Variants in MAD1L1 observed in about 807,000 individuals in gnomAD.
MAD1L1 encodes mitotic spindle assembly checkpoint protein MAD1.
A neutral mutation model predicts 96.9 loss-of-function variants in MAD1L1; 95 were observed. The ratio of observed to expected loss-of-function variants is 0.98; its 90% CI spans 0.83 to 1.16. The LOEUF (loss-of-function observed/expected upper bound fraction) is 1.16. MAD1L1 is among the 50% of genes most tolerant of loss of function. MAD1L1 has a pLI of 0.00. For missense variants in MAD1L1, 1,007 were observed against 954.4 expected (o/e 1.06, Z -0.73); for synonymous variants, 473 against 396.6 (o/e 1.19, Z -2.29).
rs763539730 is a variant in MAD1L1, at chr7:2,056,602, C to T, written c.1218+12592G>A. On this transcript the variant is annotated intron_variant, in intron 12 of 18. Transcript: ENST00000265854. ...GCGACCCAGGAGATACCCACGTGAG[C>T]GAGGGCGGTGCTCACCTCGAACCAA... 1.6e-4 allele frequency among the ~76,000 whole-genome samples: 25 copies of T among 152,188 alleles called. 1 individual carries two copies. Among genetic ancestry groups the T allele is most frequent in the African/African-American group, 3.9e-4 (16 of 41,444 alleles).
chr7:1,971,598 C>G (rs1262998312), intron 15 of MAD1L1, among the ~76,000 whole-genome samples: 1 of 152,108 alleles, frequency 6.6e-6, no homozygotes, highest in African/African-American at 2.4e-5. Flanking sequence ...AAGACGGTAG[C>G]TTGAACACGT....
rs1584425864 is a variant in MAD1L1 at position 2,146,705 on chromosome 7, C to G, written c.1073+2447G>C. Among the ~76,000 whole-genome samples the G allele has an allele frequency of 6.6e-6, 1 of 152,322 alleles. No homozygotes were observed. The highest frequency in any genetic ancestry group is 1.9e-4 in the East Asian group (1 of 5,182). On this transcript the variant is annotated intron_variant, in intron 11 of 18. Transcript: ENST00000265854. This position sits in a 1 kb window ranked among gnomAD's most constrained non-coding sequence, Gnocchi z 6.2. ...TTAAAATGAGGCCCGCCTGGCAAAG[C>G]CCTCGGGGATCTGGGCCACCGTGGC...
chr7:2,000,572 C>T (rs1445300723), intron 14 of MAD1L1, among the ~76,000 whole-genome samples: 2 of 152,204 alleles, frequency 1.3e-5, no homozygotes, highest in African/African-American at 4.8e-5. Flanking sequence ...CCAGGCTTGG[C>T]TCAGGACGCT....
At chr7:1,916,516 G>C (rs1788405466) in intron 17 of MAD1L1, among the ~76,000 whole-genome samples, 1 of 152,226 alleles carries the variant, frequency 6.6e-6, no homozygotes, top group Middle Eastern at 3.4e-3. Flanking sequence ...TCACACGCCA[G>C]AGCATGAGGC....
intron 18 of MAD1L1, among the ~76,000 whole-genome samples, chr7:1,865,004 A>G (rs1156590028): frequency 6.6e-6 from 1 of 152,114 alleles, no homozygotes; most frequent in Non-Finnish European, 1.5e-5. Flanking sequence ...GCACTGAGAC[A>G]CCTACCACGC....
intron 12 of MAD1L1, among the ~76,000 whole-genome samples, chr7:2,065,333 T>C (rs889157212): frequency 2.6e-5 from 4 of 152,218 alleles, no homozygotes; most frequent in Admixed American, 2.6e-4. Flanking sequence ...GTGGCAGCCG[T>C]GTCCAGGGTC....
At chr7:1,935,486 G>A (rs1261094076) in intron 17 of MAD1L1, among the ~76,000 whole-genome samples, 1 of 152,220 alleles carries the variant, frequency 6.6e-6, no homozygotes. Flanking sequence ...CTACCTGCCG[G>A]CAGGGTGCGC....
intron 12 of MAD1L1, among the ~76,000 whole-genome samples, chr7:2,024,743 G>A (rs868182435): frequency 4.6e-5 from 7 of 152,080 alleles, no homozygotes; most frequent in East Asian, 3.8e-4. Flanking sequence ...CTTTGGCGAC[G>A]ACCCCAGCCC....
chr7:1,888,951 G>A (rs1786363713), intron 18 of MAD1L1, among the ~76,000 whole-genome samples: 2 of 152,228 alleles, frequency 1.3e-5, no homozygotes, highest in South Asian at 2.1e-4. Flanking sequence ...AGCCATGAAA[G>A]CTTCCATGAT....
At chr7:2,175,096 T>C (rs1790883359) in intron 10 of MAD1L1, 1 of 152,160 alleles carries the variant, frequency 6.6e-6, no homozygotes, top group Non-Finnish European at 1.5e-5. Context: ...AAGCTGGTCA[T>C]CTCGGCGGTC....
intron 12 of MAD1L1, among the ~76,000 whole-genome samples, chr7:2,063,064 C>T (rs1022025552): frequency 1.1e-4 from 17 of 152,228 alleles, no homozygotes; most frequent in African/African-American, 2.9e-4. Context: ...GACTGCTCTA[C>T]GTTTAGAGCA....
intron 15 of MAD1L1, among the ~76,000 whole-genome samples, chr7:1,967,494 A>T (rs1392533709): frequency 6.6e-6 from 1 of 152,224 alleles, no homozygotes; most frequent in African/African-American, 2.4e-5. Flanking sequence ...AAAAGGACAG[A>T]AATATTTACA....
chr7:1,962,520 A>G (rs1490043815), intron 15 of MAD1L1, among the ~76,000 whole-genome samples: 1 of 152,258 alleles, frequency 6.6e-6, no homozygotes, highest in Non-Finnish European at 1.5e-5. Flanking sequence ...AAGACAAGAC[A>G]CAGACTGGGA....
chr7:1,995,891 G>C (rs991498941), intron 14 of MAD1L1, among the ~76,000 whole-genome samples: 28 of 152,182 alleles, frequency 1.8e-4, no homozygotes, highest in African/African-American at 6.8e-4. Flanking sequence ...CGTGGAGCAG[G>C]ATGGGTCCGG....
At chr7:2,192,085 C>G (rs1025206579) in intron 10 of MAD1L1, among the ~76,000 whole-genome samples, 1 of 151,018 alleles carries the variant, frequency 6.6e-6, no homozygotes, top group African/African-American at 2.4e-5. Flanking sequence ...AAAATTAAAT[C>G]AGGGTGGAGG....
chr7:1,950,618 G>C (rs754226310), intron 16 of MAD1L1, among the ~76,000 whole-genome samples: 1 of 152,306 alleles, frequency 6.6e-6, no homozygotes, highest in East Asian at 1.9e-4. Flanking sequence ...GACCCCACAC[G>C]GGAGCCCCTC....
chr7:2,080,833 G>A (rs913037578), intron 11 of MAD1L1, among the ~76,000 whole-genome samples: 2 of 152,208 alleles, frequency 1.3e-5, no homozygotes, highest in African/African-American at 2.4e-5. Flanking sequence ...GGAGGGAGAC[G>A]TTTTCGCCTC....
intron 10 of MAD1L1, among the ~76,000 whole-genome samples, chr7:2,160,420 C>A (rs1474859270): frequency 6.7e-6 from 1 of 150,050 alleles, no homozygotes; most frequent in Non-Finnish European, 1.5e-5. Flanking sequence ...GAAAGCTCCG[C>A]CTCCTGGGTT....
intron 18 of MAD1L1, among the ~76,000 whole-genome samples, chr7:1,836,128 TCTC>T (rs1382373300): frequency 1.3e-5 from 2 of 152,104 alleles, no homozygotes; most frequent in African/African-American, 4.8e-5. Flanking sequence ...TTCAAGCAAT[TCTC>T]CTGCCTCAGC....
Sources: gnomAD v4.1 joint callset for allele counts (sites outside exome capture counted in the v4.1 genomes callset) on GRCh38, gnomAD v4.1.1 for gene constraint, Gnocchi (gnomAD v3.1) non-coding constraint, MANE v1.5 for transcripts, NCBI Gene and HGNC (gene_info 2026-07-23, HGNC 2026-07-21) for gene names.